The following FARS2 variants were observed in gnomAD, a reference collection of about 807,000 sequenced individuals.
FARS2 encodes phenylalanine--tRNA ligase, mitochondrial.
FARS2 carries 40 observed loss-of-function variants against 46.4 expected under a neutral mutation model. The observed-to-expected ratio is 0.86, with a 90% CI of 0.67 to 1.12. FARS2 has a LOEUF of 1.12. Among genes scored for constraint, FARS2 ranks in the 50% most tolerant of loss-of-function variants. FARS2 has a pLI of 0.00. For missense variants in FARS2, 513 were observed against 567.9 expected (o/e 0.90, Z 0.98); for synonymous variants, 234 against 214.9 (o/e 1.09, Z -0.78).
At chr6:5,372,239 C>T (rs1169711261) in intron 2 of FARS2, among the ~76,000 whole-genome samples, 1 of 151,898 alleles carries the variant, frequency 6.6e-6, no homozygotes, top group African/African-American at 2.4e-5. Context: ...CAATGGGTTA[C>T]GAAGTTAAAA....
At chr6:5,589,073 T>C (rs1432464758) in intron 5 of FARS2, among the ~76,000 whole-genome samples, 1 of 152,178 alleles carries the variant, frequency 6.6e-6, no homozygotes, top group Non-Finnish European at 1.5e-5. Context: ...GTGATGGGTG[T>C]GTTTCTCAGC....
At chr6:5,589,873 A>T (rs1176257905) in intron 5 of FARS2, among the ~76,000 whole-genome samples, 3 of 152,208 alleles carry the variant, frequency 2.0e-5, no homozygotes, top group South Asian at 2.1e-4. Context: ...TGAATATTCC[A>T]TACATATAAA....
intron 4 of FARS2, among the ~76,000 whole-genome samples, chr6:5,432,351 T>TATATATATATATATATATATTATA: frequency 2.4e-5 from 1 of 42,338 alleles, no homozygotes; most frequent in South Asian, 6.4e-4. Context: ...TATATATATA[T>TATATATATATATATATATATTATA]TATATATATA....
chr6:5,584,380 A>G (rs1219807893), intron 5 of FARS2, among the ~76,000 whole-genome samples: 2 of 152,114 alleles, frequency 1.3e-5, no homozygotes, highest in Non-Finnish European at 2.9e-5. Flanking sequence ...GCACCCCACC[A>G]TCAGAACAAA....
chr6:5,670,481 A>G (rs9328326), intron 6 of FARS2, among the ~76,000 whole-genome samples: 139,673 of 152,252 alleles, frequency 0.92, 64,499 homozygotes, highest in East Asian at 1. Flanking sequence ...CTTGGCCCAC[A>G]ACTGATGCAC....
At chr6:5,518,303 T>A (rs553709404) in intron 4 of FARS2, among the ~76,000 whole-genome samples, 1 of 152,180 alleles carries the variant, frequency 6.6e-6, no homozygotes, top group Non-Finnish European at 1.5e-5. Context: ...GGCAGTTGTG[T>A]CACAAAACTG....
At chr6:5,551,021 T>C (rs1471426978) in intron 5 of FARS2, among the ~76,000 whole-genome samples, 1 of 152,238 alleles carries the variant, frequency 6.6e-6, no homozygotes, top group African/African-American at 2.4e-5. Flanking sequence ...TTTTTGTCTT[T>C]TTCAGTATAG....
At chr6:5,285,391 G>A (rs1023375763) in intron 1 of FARS2, among the ~76,000 whole-genome samples, 5 of 152,148 alleles carry the variant, frequency 3.3e-5, no homozygotes, top group African/African-American at 4.8e-5. Context: ...TGAGAAGAGT[G>A]GGGTTTGGTT....
At chr6:5,462,135 A>C (rs892774501) in intron 4 of FARS2, among the ~76,000 whole-genome samples, 1 of 152,078 alleles carries the variant, frequency 6.6e-6, no homozygotes, top group Non-Finnish European at 1.5e-5. Flanking sequence ...TTTACTTTAC[A>C]TTTTCCTCTT....
At chr6:5,268,558 T>C (rs1315189255) in intron 1 of FARS2, among the ~76,000 whole-genome samples, 1 of 152,146 alleles carries the variant, frequency 6.6e-6, no homozygotes, top group African/African-American at 2.4e-5. Context: ...GTTCCGTTGA[T>C]CTATATCTCT....
At position 5,369,164 on chromosome 6, in the gene FARS2, G is replaced by C; in HGVS notation, c.594G>C (p.Arg198=). The change falls in exon 2 of 7, where the codon CGG becomes CGC. Residue 198 remains arginine (R), a synonymous_variant. Transcript: ENST00000274680. ...TTTTCCACCAGCTGGAGGCCGTGCG[G>C]CTCTTCTCCAAGCATGAGGTGAGTC... ...YPIFHQLEAV[R]LFSKHELFAG... 2 of 1,607,770 alleles carry C rather than the reference G, an allele frequency of 1.2e-6. No homozygotes were observed. The highest frequency in any genetic ancestry group is 2.2e-5 in the South Asian group (2 of 91,056).
intron 3 of FARS2, among the ~76,000 whole-genome samples, chr6:5,412,786 C>T (rs189683910): frequency 6.6e-6 from 1 of 152,128 alleles, no homozygotes; most frequent in Non-Finnish European, 1.5e-5. Context: ...CTGCTGTTGC[C>T]TGGCTTGGGG....
chr6:5,547,077 G>A (rs1402962222), intron 5 of FARS2, among the ~76,000 whole-genome samples: 7 of 151,880 alleles, frequency 4.6e-5, no homozygotes, highest in East Asian at 1.9e-4. Context: ...TCAGCCTCCC[G>A]AGTAGCTGGG....
At chr6:5,327,829 A>C (rs1770506187) in intron 1 of FARS2, among the ~76,000 whole-genome samples, 1 of 152,050 alleles carries the variant, frequency 6.6e-6, no homozygotes, top group South Asian at 2.1e-4. Flanking sequence ...GCCTCACTTG[A>C]GAATAGATAG....
chr6:5,422,810 AAG>A lies in FARS2; in HGVS notation c.773-8230_773-8229del, dbSNP rs1762629740. On this transcript the variant is annotated intron_variant, in intron 3 of 6. Transcript: ENST00000274680. ...GCTTATTTTTTCATATTTTATTAAAAAGTGAGATGTTTCAGATTATGAGCTGA... is the reference window on the plus strand; with the variant it reads ...GCTTATTTTTTCATATTTTATTAAAATGAGATGTTTCAGATTATGAGCTGA... 6.6e-5 allele frequency among the ~76,000 whole-genome samples: 10 copies of A among 152,346 alleles called. 1 individual carries two copies. The South Asian group carries it at 1.9e-3, about 28-fold the overall frequency.
At chr6:5,390,527 A>T (rs1056386978) in intron 2 of FARS2, among the ~76,000 whole-genome samples, 3 of 152,238 alleles carry the variant, frequency 2.0e-5, no homozygotes, top group Non-Finnish European at 4.4e-5. Flanking sequence ...TTATAAACCG[A>T]ACAACAGTAT....
chr6:5,714,078 G>A (rs1287517192), intron 6 of FARS2, among the ~76,000 whole-genome samples: 2 of 152,202 alleles, frequency 1.3e-5, no homozygotes, highest in Non-Finnish European at 2.9e-5. Flanking sequence ...CATTGTGTGT[G>A]TGTGTGAGTG....
intron 1 of FARS2, among the ~76,000 whole-genome samples, chr6:5,262,066 T>C (rs1339016262): frequency 6.6e-6 from 1 of 152,242 alleles, no homozygotes; most frequent in Non-Finnish European, 1.5e-5. Flanking sequence ...TCTTGCTTTA[T>C]GTAATCAACC....
chr6:5,754,364 A>G (rs762883635), intron 6 of FARS2, among the ~76,000 whole-genome samples: 29 of 152,226 alleles, frequency 1.9e-4, no homozygotes, highest in Non-Finnish European at 4.0e-4. Context: ...ACAGGAGATC[A>G]GCTCTCCTGA....
Sources: allele counts gnomAD v4.1 joint callset (sites outside exome capture counted in the v4.1 genomes callset), GRCh38; gene constraint gnomAD v4.1.1; transcripts MANE v1.5; gene names NCBI Gene and HGNC (gene_info 2026-07-23, HGNC 2026-07-21).